The following ZMYM2 variants were observed in gnomAD, a reference collection of about 807,000 sequenced individuals.
ZMYM2 encodes the protein zinc finger MYM-type containing 2, also known as zinc finger MYM-type protein 2.
A neutral mutation model predicts 162.8 loss-of-function variants in ZMYM2; 56 were observed. The ratio of observed to expected loss-of-function variants is 0.34; its 90% CI spans 0.28 to 0.43. The LOEUF is 0.43. Ranked by LOEUF, ZMYM2 falls within the 20% of genes least tolerant of loss-of-function variation. The pLI is 1.00. For synonymous variants in ZMYM2, 510 were observed against 541.6 expected, an observed-to-expected ratio of 0.94 and a Z score of 0.81; for missense variants, 1,275 against 1,621.8, an observed-to-expected ratio of 0.79 and a Z score of 3.67.
At chr13:19,992,688 T>C (rs986815311) in intron 2 of ZMYM2, among the ~76,000 whole-genome samples, 1 of 152,138 alleles carries the variant, frequency 6.6e-6, no homozygotes, top group Non-Finnish European at 1.5e-5. Context: ...TTTTTTTTTT[T>C]TCCTGTTCAG....
the ZMYM2 span, among the ~76,000 whole-genome samples, chr13:19,870,291 G>A: frequency 1.3e-5 from 2 of 152,140 alleles, no homozygotes; most frequent in Non-Finnish European, 2.9e-5. Flanking sequence ...AAGTAGCTGA[G>A]ACTACAGGTA....
intron 3 of ZMYM2, among the ~76,000 whole-genome samples, chr13:19,998,329 G>A (rs1454704097): frequency 1.3e-5 from 2 of 152,166 alleles, no homozygotes; most frequent in Non-Finnish European, 2.9e-5. Context: ...TAGGGCAAAT[G>A]TAAATTGAAA....
chr13:20,013,645 G>T (rs116767495), intron 6 of ZMYM2, among the ~76,000 whole-genome samples: 2,083 of 152,124 alleles, frequency 0.014, 40 homozygotes, highest in African/African-American at 0.047. Context: ...TCATAAAAAG[G>T]TGTTGAATTT....
At chr13:20,061,510 C>G (rs149278492) in intron 17 of ZMYM2, among the ~76,000 whole-genome samples, 2 of 152,042 alleles carry the variant, frequency 1.3e-5, no homozygotes, top group Admixed American at 6.5e-5. Context: ...AGTGCTGATG[C>G]AAAACTATAA....
the ZMYM2 span, among the ~76,000 whole-genome samples, chr13:19,911,139 C>A: frequency 1.4e-5 from 2 of 145,200 alleles, no homozygotes; most frequent in Admixed American, 1.4e-4. Flanking sequence ...TCACTGCAAA[C>A]TCCACCTCCC....
chr13:19,958,381 A>G (rs1405421888), upstream of ZMYM2, among the ~76,000 whole-genome samples: 1 of 148,746 alleles, frequency 6.7e-6, no homozygotes, highest in Admixed American at 6.6e-5. Flanking sequence ...GGTCCCGGAG[A>G]GCCCCGGGCC....
intron 21 of ZMYM2, among the ~76,000 whole-genome samples, chr13:20,077,054 T>G (rs1323106695): frequency 6.6e-6 from 1 of 150,444 alleles, no homozygotes. Context: ...TGTCTCGTTC[T>G]CTTGATTACA....
chr13:19,893,270 T>C, the ZMYM2 span, among the ~76,000 whole-genome samples: 2,003 of 150,708 alleles, frequency 0.013, 55 homozygotes, highest in African/African-American at 0.035. Context: ...CTTGATAGCT[T>C]GTATCAGTAG....
At chr13:20,009,853 T>C (rs551172018) in intron 6 of ZMYM2, among the ~76,000 whole-genome samples, 45 of 152,334 alleles carry the variant, frequency 3.0e-4, no homozygotes, top group African/African-American at 1.1e-3. Context: ...CTTTGACTAT[T>C]GTGAATAATG....
At chr13:19,930,541 CTATT>C in the ZMYM2 span, among the ~76,000 whole-genome samples, 2 of 150,990 alleles carry the variant, frequency 1.3e-5, no homozygotes, top group African/African-American at 4.9e-5. Flanking sequence ...TCTTATTTAT[CTATT>C]TATTTGTTTT....
At position 19,992,957 on chromosome 13, in the gene ZMYM2, T is replaced by G. The variant is rs997279851; in HGVS notation, c.-10-106T>G. ...GAATGTTAGACAAGAATCACTTCAT[T>G]TAGAATAAAAATAAAATAAAAGTAC... is the stretch of plus-strand genomic sequence containing the variant. On this transcript the variant is annotated intron_variant, in intron 2 of 24. Transcript: ENST00000610343. The G allele has an allele frequency of 3.2e-6, 4 of 1,248,808 alleles. 1 individual carries two copies. The highest frequency in any genetic ancestry group is 6.2e-5 in the Admixed American group (2 of 32,248). The allele number at this position is 1,248,808 out of a possible 1,614,324, so 77.4% of individuals were successfully genotyped here. A position where few individuals can be genotyped will look rare whatever the true frequency, so the allele number is the denominator to read the frequency against.
intron 2 of ZMYM2, among the ~76,000 whole-genome samples, chr13:19,985,978 GA>G (rs1213789773): frequency 6.6e-6 from 1 of 152,128 alleles, no homozygotes; most frequent in African/African-American, 2.4e-5. Context: ...TTGAGCTTGG[GA>G]GTTCGAGACC....
At chr13:20,056,526 T>G (rs1303015485) in intron 14 of ZMYM2, among the ~76,000 whole-genome samples, 4 of 152,062 alleles carry the variant, frequency 2.6e-5, no homozygotes, top group East Asian at 3.9e-4. Flanking sequence ...CTTGTGAGGC[T>G]CTCAATGCCG....
chr13:19,970,003 G>A (rs541938509), intron 2 of ZMYM2: 1 of 983,626 alleles, frequency 1.0e-6, no homozygotes, highest in South Asian at 4.7e-5. Context: ...GCTTATTGAT[G>A]CAAGTATTGT....
At position 19,993,121 on chromosome 13, in the gene ZMYM2, G is replaced by A; in HGVS notation, c.49G>A (p.Val17Ile). Residue 17 changes from valine (V) to isoleucine (I), a missense_variant, in exon 3 of 25, where the codon GTT becomes ATT. Coordinates refer to ENST00000610343, the MANE Select transcript of ZMYM2 (RefSeq NM_197968.4). ...ATTAGAATTGACTGATCAGACTCCTGTTTTATTAGGGAGTACGGCCATGGC... is the reference window on the plus strand; with the variant it reads ...ATTAGAATTGACTGATCAGACTCCTATTTTATTAGGGAGTACGGCCATGGC... ...GGLELTDQTP[V>I]LLGSTAMATS... The A allele has an allele frequency of 6.2e-7, 1 of 1,613,992 alleles. No homozygotes were observed. Among genetic ancestry groups the A allele is most frequent in the South Asian group, 1.1e-5 (1 of 91,046 alleles).
At chr13:19,877,064 T>C in the ZMYM2 span, among the ~76,000 whole-genome samples, 2 of 152,024 alleles carry the variant, frequency 1.3e-5, no homozygotes, top group Non-Finnish European at 2.9e-5. Flanking sequence ...TACAAAAAAT[T>C]AGCTGGGCGC....
chr13:19,998,272 A>G (rs1950161588), intron 3 of ZMYM2, among the ~76,000 whole-genome samples: 1 of 152,212 alleles, frequency 6.6e-6, no homozygotes, highest in Non-Finnish European at 1.5e-5. Context: ...GGCCTTTTCT[A>G]TTCCTAAAAA....
At chr13:19,949,438 AC>A in the ZMYM2 span, among the ~76,000 whole-genome samples, 1 of 151,960 alleles carries the variant, frequency 6.6e-6, no homozygotes, top group Non-Finnish European at 1.5e-5. Context: ...AAAACAGAAA[AC>A]AAAAATTAGC....
At chr13:19,908,723 T>C in the ZMYM2 span, among the ~76,000 whole-genome samples, 3 of 152,184 alleles carry the variant, frequency 2.0e-5, no homozygotes, top group African/African-American at 7.2e-5. Flanking sequence ...GGCATTAATT[T>C]ACATTTTTGC....
Sources: allele counts gnomAD v4.1 joint callset (sites outside exome capture counted in the v4.1 genomes callset), GRCh38; gene constraint gnomAD v4.1.1; transcripts MANE v1.5; gene names NCBI Gene and HGNC (gene_info 2026-07-23, HGNC 2026-07-21).